Variants in MKLN1 observed in about 807,000 individuals in gnomAD.
The protein encoded by MKLN1 is muskelin.
MKLN1 carries 18 observed loss-of-function variants against 99.0 expected under a neutral mutation model. The observed-to-expected ratio is 0.18, with a 90% CI of 0.13 to 0.27. The LOEUF is 0.27. MKLN1 is among the 10% of genes least tolerant of loss of function. The probability of loss-of-function intolerance (pLI) is 1.00; values close to 1 mark genes in which losing one functional copy is unlikely to be tolerated. For missense variants in MKLN1, 621 were observed against 875.9 expected (o/e 0.71, Z 3.67); for synonymous variants, 288 against 293.2 (o/e 0.98, Z 0.18).
At chr7:131,202,272 T>C (rs1225319950) in intron 2 of MKLN1, among the ~76,000 whole-genome samples, 2 of 146,862 alleles carry the variant, frequency 1.4e-5, no homozygotes, top group African/African-American at 2.5e-5. Context: ...CGATTCACCA[T>C]GCCCGGCTAA....
At chr7:131,320,829 T>C (rs1798761454) in intron 3 of MKLN1, among the ~76,000 whole-genome samples, 1 of 152,018 alleles carries the variant, frequency 6.6e-6, no homozygotes, top group South Asian at 2.1e-4. Flanking sequence ...ATATGAAAAA[T>C]AGCTCATCAT....
chr7:131,204,193 A>T (rs1007807062), intron 3 of MKLN1, among the ~76,000 whole-genome samples: 2 of 152,168 alleles, frequency 1.3e-5, no homozygotes, highest in Admixed American at 1.3e-4. Context: ...TGTTCTCAGG[A>T]GGATAAGTCT....
chr7:131,315,811 G>A (rs1402991751), intron 3 of MKLN1, among the ~76,000 whole-genome samples: 2 of 152,182 alleles, frequency 1.3e-5, no homozygotes, highest in Non-Finnish European at 2.9e-5. Context: ...TCACCACAGT[G>A]TGGCAAAGCG....
chr7:131,465,048 T>G (rs2116617189), intron 14 of MKLN1, among the ~76,000 whole-genome samples: 1 of 152,288 alleles, frequency 6.6e-6, no homozygotes, highest in South Asian at 2.1e-4. Context: ...TTGAGACCTT[T>G]AGGTAAAAGA....
intron 3 of MKLN1, among the ~76,000 whole-genome samples, chr7:131,285,799 G>C (rs1406095851): frequency 7.2e-5 from 11 of 152,072 alleles, no homozygotes; most frequent in African/African-American, 2.7e-4. Flanking sequence ...GCTTGATTGT[G>C]AGTTTTTTTG....
At position 131,466,401 on chromosome 7, in the gene MKLN1, C is replaced by A; in HGVS notation, c.1914C>A (p.Leu638=). ...ATTTACTGAGGCATTGCAAGTACCT[C>A]ATAAGAAAACACAGGTATGAAAATA... ...KDYLLRHCKY[L]IRKHRFEEKA... The change falls in exon 15 of 18, where the codon CTC becomes CTA. Residue 638 remains leucine, a synonymous_variant. Coordinates refer to ENST00000352689, the MANE Select transcript of MKLN1 (RefSeq NM_013255.5). The A allele has an allele frequency of 6.3e-7, 1 of 1,582,682 alleles. No individual in the cohort carries two copies. Among genetic ancestry groups the A allele is most frequent in the South Asian group, 1.2e-5 (1 of 86,232 alleles).
chr7:131,244,929 T>G (rs1178478626), intron 3 of MKLN1, among the ~76,000 whole-genome samples: 1 of 152,224 alleles, frequency 6.6e-6, no homozygotes, highest in Non-Finnish European at 1.5e-5. Flanking sequence ...GGCGGCACCC[T>G]TTCCTCCAGC....
intron 17 of MKLN1, among the ~76,000 whole-genome samples, chr7:131,482,619 CATG>C (rs1414587142): frequency 6.6e-6 from 1 of 152,120 alleles, no homozygotes; most frequent in Non-Finnish European, 1.5e-5. Context: ...CCTAGCCAGG[CATG>C]GTGGTGTGAG....
At chr7:131,222,124 C>G (rs547120750) in intron 3 of MKLN1, among the ~76,000 whole-genome samples, 1 of 152,204 alleles carries the variant, frequency 6.6e-6, no homozygotes, top group Non-Finnish European at 1.5e-5. Context: ...CTAGTGATCA[C>G]TTTAAGTGAT....
intron 3 of MKLN1, among the ~76,000 whole-genome samples, chr7:131,235,649 A>T (rs1249804902): frequency 6.6e-6 from 1 of 152,146 alleles, no homozygotes; most frequent in Non-Finnish European, 1.5e-5. Flanking sequence ...TGTAAATAGG[A>T]CTTCACTGTG....
intron 1 of MKLN1, among the ~76,000 whole-genome samples, chr7:131,141,086 C>T (rs1161139110): frequency 3.3e-5 from 5 of 152,014 alleles, no homozygotes; most frequent in Admixed American, 2.6e-4. Context: ...ACCTGGCCTA[C>T]ACCATCCTTT....
chr7:131,460,663 A>G (rs1796489057), intron 12 of MKLN1, among the ~76,000 whole-genome samples: 1 of 152,154 alleles, frequency 6.6e-6, no homozygotes, highest in Non-Finnish European at 1.5e-5. Context: ...TTCATCTTTT[A>G]TCTCTGGTGA....
intron 1 of MKLN1, among the ~76,000 whole-genome samples, chr7:131,129,043 AAAG>A: frequency 6.6e-6 from 1 of 152,236 alleles, no homozygotes; most frequent in East Asian, 1.9e-4. Flanking sequence ...CAAGATCTCA[AAAG>A]AAGAACGGGT....
chr7:131,296,555 A>G (rs1798294603), intron 3 of MKLN1, among the ~76,000 whole-genome samples: 1 of 152,090 alleles, frequency 6.6e-6, no homozygotes, highest in Admixed American at 6.5e-5. Flanking sequence ...ATGGGTTTGA[A>G]TTGCATGGGT....
At chr7:131,464,229 C>T in intron 13 of MKLN1, 65 bp from the exon 14 acceptor site, 1 of 914,676 alleles carries the variant, frequency 1.1e-6, no homozygotes, top group Non-Finnish European at 1.6e-6. Flanking sequence ...AGTTAATTTG[C>T]TTGCTACAGT....
At chr7:131,131,051 CAAAAA>C (rs35397071) in intron 1 of MKLN1, among the ~76,000 whole-genome samples, 5 of 65,326 alleles carry the variant, frequency 7.7e-5, no homozygotes, top group African/African-American at 2.7e-4. Flanking sequence ...GACCCTGTCT[CAAAAA>C]AAAAAAAAAA....
intron 4 of MKLN1, among the ~76,000 whole-genome samples, chr7:131,396,253 AGT>A (rs1794356821): frequency 6.6e-6 from 1 of 151,974 alleles, no homozygotes; most frequent in African/African-American, 2.4e-5. Flanking sequence ...TTCTATTTTT[AGT>A]GGAGACAGAG....
intron 1 of MKLN1, among the ~76,000 whole-genome samples, chr7:131,361,722 T>A (rs1355026135): frequency 6.6e-6 from 1 of 151,990 alleles, no homozygotes; most frequent in Non-Finnish European, 1.5e-5. Flanking sequence ...AGTGATGATC[T>A]TTTCCTTTCA....
intron 3 of MKLN1, among the ~76,000 whole-genome samples, chr7:131,268,075 T>C (rs144207590): frequency 3.0e-4 from 45 of 152,292 alleles, no homozygotes; most frequent in Non-Finnish European, 4.4e-4. Flanking sequence ...ATAAATCACA[T>C]AGGCTGGGTT....
Sources: gnomAD v4.1 joint callset for allele counts (sites outside exome capture counted in the v4.1 genomes callset) on GRCh38, gnomAD v4.1.1 for gene constraint, MANE v1.5 for transcripts, NCBI Gene and HGNC (gene_info 2026-07-23, HGNC 2026-07-21) for gene names.